The following KIR2DL3 variants were observed in gnomAD, a reference collection of about 807,000 sequenced individuals.
KIR2DL3 encodes killer cell immunoglobulin-like receptor 2DL3.
Under a neutral mutation model 33.8 loss-of-function variants are expected in KIR2DL3, and 39 were observed. The observed-to-expected ratio is 1.15, with a 90% CI of 0.89 to 1.51. The LOEUF (loss-of-function observed/expected upper bound fraction) is 1.51, where lower values mean the gene tolerates loss of function less well. Ranked by LOEUF, KIR2DL3 falls within the 40% of genes most tolerant of loss-of-function variation. The pLI is 0.00. For missense variants in KIR2DL3, 462 were observed against 426.2 expected, an observed-to-expected ratio of 1.08 and a Z score of -0.74; for synonymous variants, 174 against 160.2, an observed-to-expected ratio of 1.09 and a Z score of -0.65.
intron 1 of KIR2DL3, among the ~76,000 whole-genome samples, chr19:54,739,302 T>A (rs1487432974): frequency 4.0e-5 from 6 of 151,812 alleles, no homozygotes; most frequent in Non-Finnish European, 7.4e-5. Flanking sequence ...GGAGTGGAGA[T>A]ATGGGCTTGG....
At chr19:54,740,249 C>A (rs371877810) in intron 2 of KIR2DL3, among the ~76,000 whole-genome samples, 1 of 151,002 alleles carries the variant, frequency 6.6e-6, no homozygotes, top group Non-Finnish European at 1.5e-5. Flanking sequence ...CTCTCTAAGG[C>A]GGCGCCTCCT....
intron 5 of KIR2DL3, among the ~76,000 whole-genome samples, chr19:54,748,272 T>G (rs1023522933): frequency 6.6e-6 from 1 of 151,778 alleles, no homozygotes; most frequent in African/African-American, 2.4e-5. Context: ...AACTTGGGGA[T>G]TCTATTGGGT....
chr19:54,738,806 G>C (rs1316766031), intron 1 of KIR2DL3, among the ~76,000 whole-genome samples: 1 of 150,660 alleles, frequency 6.6e-6, no homozygotes, highest in Admixed American at 6.6e-5. Flanking sequence ...GGAGACATGG[G>C]CCTGGAGATG....
chr19:54,748,561 C>T (rs1316638357), intron 5 of KIR2DL3, among the ~76,000 whole-genome samples: 1 of 148,428 alleles, frequency 6.7e-6, no homozygotes, highest in Non-Finnish European at 1.5e-5. Context: ...AATGAATGCA[C>T]AAGTGGATCT....
chr19:54,744,696 T>C lies in KIR2DL3; in HGVS notation c.664+608T>C, dbSNP rs183263132. Among the ~76,000 whole-genome samples the C allele has an allele frequency of 1.3e-3, 189 of 150,344 alleles. 1 individual carries two copies. Among genetic ancestry groups the C allele is most frequent in the Middle Eastern group, 3.4e-3 (1 of 294 alleles). ...CGCGCACCACCACGCCAGGCTACTT[T>C]TTGTATTTTTAGTAGAGAGGGGGTT... On this transcript the variant is annotated intron_variant, in intron 4 of 7. Transcript: ENST00000342376.
Position 54,751,018 on chromosome 19 carries a change from T to G in KIR2DL3, c.716-631T>G, listed in dbSNP as rs138276189. On this transcript the variant is annotated intron_variant, in intron 5 of 7. Coordinates refer to ENST00000342376, the MANE Select transcript of KIR2DL3 (RefSeq NM_015868.3). ...TGATCTCAGGACGTTGCTGTCTTAG[T>G]CCATTTTTGTTGCTCTAAAGGAACA... 7.4e-3 allele frequency among the ~76,000 whole-genome samples: 930 copies of G among 126,106 alleles called. 158 individuals carry two copies. The highest frequency in any genetic ancestry group is 5.5e-3 in the Admixed American group (67 of 12,124). The allele number at this position is 126,106 out of a possible 152,430, so 82.7% of individuals were successfully genotyped here. A position where few individuals can be genotyped will look rare whatever the true frequency, so the allele number is the denominator to read the frequency against.
At chr19:54,746,755 G>T (rs1318820878) in intron 4 of KIR2DL3, among the ~76,000 whole-genome samples, 1 of 150,032 alleles carries the variant, frequency 6.7e-6, no homozygotes, top group African/African-American at 2.5e-5. Context: ...GCCCAAGGCG[G>T]GTGGATCACC....
rs751528891 is a variant in KIR2DL3, at chr19:54,747,427, G to A, written c.715+42G>A. ...CTTATATCCGCTTTTGGAAACCTGG[G>A]GAGGTAGAAACCTTCGATGCAGGCA... On this transcript the variant is annotated intron_variant, in intron 5 of 7. Coordinates refer to ENST00000342376, the MANE Select transcript of KIR2DL3 (RefSeq NM_015868.3). The A allele has an allele frequency of 6.3e-5, 101 of 1,599,514 alleles. No homozygotes were observed. In the Admixed American group the frequency reaches 1.3e-3, roughly 21 times the overall value.
rs990796817 is a variant in KIR2DL3, at chr19:54,740,873, G to A, written c.71-1107G>A. Reference sequence around the variant, plus strand: ...GTGCACATGAAAGGAGGAGGAAGAGGGGAGTGGGGATTAGAGCAGTCCAGT... The same window carrying A: ...GTGCACATGAAAGGAGGAGGAAGAGAGGAGTGGGGATTAGAGCAGTCCAGT... On this transcript the variant is annotated intron_variant, in intron 2 of 7. Coordinates refer to ENST00000342376, the MANE Select transcript of KIR2DL3 (RefSeq NM_015868.3). Among the ~76,000 whole-genome samples, 30 of 152,060 alleles carry A rather than the reference G, an allele frequency of 2.0e-4. No homozygotes were observed. The East Asian group carries it at 5.0e-3, about 25-fold the overall frequency.
intron 5 of KIR2DL3, among the ~76,000 whole-genome samples, chr19:54,749,032 C>T (rs2073016267): frequency 6.6e-6 from 1 of 152,096 alleles, no homozygotes. Context: ...ACGGATTGAA[C>T]CCCTGAAAGA....
chr19:54,741,191 A>G (rs1162147863), intron 2 of KIR2DL3, among the ~76,000 whole-genome samples: 1 of 150,712 alleles, frequency 6.6e-6, no homozygotes, highest in Middle Eastern at 3.2e-3. Context: ...AACCCAAGGA[A>G]AGCCAGGCAT....
intron 4 of KIR2DL3, among the ~76,000 whole-genome samples, chr19:54,744,919 A>AAT (rs2072101917): frequency 4.9e-5 from 2 of 41,030 alleles, no homozygotes; most frequent in African/African-American, 7.1e-5. Context: ...CACATATATA[A>AAT]ACATATATAT....
At chr19:54,752,129 G>C in intron 6 of KIR2DL3, 87 bp from the exon 7 acceptor site, 1 of 1,354,958 alleles carries the variant, frequency 7.4e-7, no homozygotes, top group South Asian at 1.4e-5. Context: ...GGCTCCTATG[G>C]TCTCCCCCTG....
At position 54,751,538 on chromosome 19, in the gene KIR2DL3, T is replaced by C. The variant is rs1161026443; in HGVS notation, c.716-111T>C. 7 of 931,256 alleles carry C rather than the reference T, an allele frequency of 7.5e-6. 1 individual carries two copies. Among genetic ancestry groups the C allele is most frequent in the African/African-American group, 5.6e-5 (3 of 53,542 alleles). The allele number at this position is 931,256 out of a possible 1,614,324, so 57.7% of individuals were successfully genotyped here. On this transcript the variant is annotated intron_variant, in intron 5 of 7. Coordinates refer to ENST00000342376, the MANE Select transcript of KIR2DL3 (RefSeq NM_015868.3). ...GCTGGGTCTCCCTCCATCTGGGTGC[T>C]TGTCCTAAAGGGGTGTTGTATGTGG... is the stretch of plus-strand genomic sequence containing the variant.
At chr19:54,744,886 A>ATATGTATG (rs2072041509) in intron 4 of KIR2DL3, among the ~76,000 whole-genome samples, 3 of 67,418 alleles carry the variant, frequency 4.4e-5, no homozygotes, top group African/African-American at 9.9e-5. Flanking sequence ...ATATATATAT[A>ATATGTATG]TATATATATA....
Position 54,752,120 on chromosome 19 carries a change from G to A in KIR2DL3, c.821-96G>A, listed in dbSNP as rs1248884847. On this transcript the variant is annotated intron_variant, in intron 6 of 7. Coordinates refer to ENST00000342376, the MANE Select transcript of KIR2DL3 (RefSeq NM_015868.3). Reference sequence around the variant, plus strand: ...GCTGTTGGCAACTGAGGGACCTCAGGCTCCTATGGTCTCCCCCTGTATGTT... The same window carrying A: ...GCTGTTGGCAACTGAGGGACCTCAGACTCCTATGGTCTCCCCCTGTATGTT... 1.5e-6 allele frequency: 2 copies of A among 1,307,250 alleles called. 1 individual carries two copies. Among genetic ancestry groups the A allele is most frequent in the East Asian group, 4.6e-5 (2 of 43,642 alleles). The allele number at this position is 1,307,250 out of a possible 1,614,324, so 81.0% of individuals were successfully genotyped here. A position where few individuals can be genotyped will look rare whatever the true frequency, so the allele number is the denominator to read the frequency against.
intron 5 of KIR2DL3, among the ~76,000 whole-genome samples, chr19:54,749,266 A>T (rs1555915643): frequency 7.1e-6 from 1 of 140,096 alleles, no homozygotes; most frequent in African/African-American, 2.6e-5. Context: ...CCTCGGGGTA[A>T]CCAGGAATCC....
intron 4 of KIR2DL3, among the ~76,000 whole-genome samples, chr19:54,744,954 A>ATATATTTTTTTTT (rs1398407460): frequency 3.2e-5 from 1 of 31,276 alleles, no homozygotes; most frequent in Non-Finnish European, 6.0e-5. Context: ...ATATATATAT[A>ATATATTTTTTTTT]TTTTTTTTTT....
chr19:54,748,408 A>T (rs1433897547), intron 5 of KIR2DL3, among the ~76,000 whole-genome samples: 3 of 142,004 alleles, frequency 2.1e-5, no homozygotes, highest in East Asian at 3.9e-4. Context: ...GTAAAATAAC[A>T]TATTCACAAG....
Sources: gnomAD v4.1 joint callset for allele counts (sites outside exome capture counted in the v4.1 genomes callset) on GRCh38, gnomAD v4.1.1 for gene constraint, MANE v1.5 for transcripts, NCBI Gene and HGNC (gene_info 2026-07-23, HGNC 2026-07-21) for gene names.